Variants in CDCA2 observed in about 807,000 individuals in gnomAD.
CDCA2 encodes the protein cell division cycle associated 2, also known as cell division cycle-associated protein 2.
Under a neutral mutation model 67.0 loss-of-function variants are expected in CDCA2, and 44 were observed. The ratio of observed to expected loss-of-function variants is 0.66; its 90% confidence interval spans 0.52 to 0.84. The LOEUF (loss-of-function observed/expected upper bound fraction) is 0.84. Ranked by LOEUF, CDCA2 falls within the 40% of genes least tolerant of loss-of-function variation. The pLI is 0.00. For synonymous variants in CDCA2, 447 were observed against 418.7 expected (o/e 1.07, Z -0.82); for missense variants, 1,253 against 1,203.2 (o/e 1.04, Z -0.61).
intron 10 of CDCA2, 38 bp downstream of exon 10, chr8:25,484,248 A>G (rs1466106202): frequency 5.0e-6 from 8 of 1,604,474 alleles, no homozygotes; most frequent in Non-Finnish European, 6.8e-6. Context: ...TGCCATATGT[A>G]TTTTCATCAG....
intron 3 of CDCA2, among the ~76,000 whole-genome samples, 164 bp downstream of exon 3, chr8:25,460,718 A>C (rs1802649656): frequency 1.3e-5 from 2 of 152,210 alleles, no homozygotes; most frequent in Admixed American, 1.3e-4. Flanking sequence ...TGCACAGTTC[A>C]TTTAGCATAG....
intron 14 of CDCA2, among the ~76,000 whole-genome samples, chr8:25,504,560 A>G (rs1489201066): frequency 2.0e-5 from 3 of 152,188 alleles, no homozygotes; most frequent in African/African-American, 7.2e-5. Flanking sequence ...AAGATTAATA[A>G]TAGACTTGAG....
In CDCA2 at chr8:25,507,781, A is replaced by G. The variant is rs749990273; in HGVS notation, c.*43A>G. 5 of 1,561,772 alleles carry G rather than the reference A, an allele frequency of 3.2e-6. No homozygotes were observed. The highest frequency in any genetic ancestry group is 4.3e-6 in the Non-Finnish European group (5 of 1,159,578). On this transcript the variant is annotated 3_prime_UTR_variant, in exon 15 of 15. Coordinates refer to ENST00000330560, the MANE Select transcript of CDCA2 (RefSeq NM_152562.4). ...GTCTGTGGCAAGAGGGAAAGTAACC[A>G]TCTATGCTGAAATGATCTGTCTAGT... is the stretch of plus-strand genomic sequence containing the variant.
intron 8 of CDCA2, among the ~76,000 whole-genome samples, chr8:25,482,705 C>CA (rs1803619158): frequency 6.6e-6 from 1 of 151,918 alleles, no homozygotes; most frequent in Admixed American, 6.6e-5. Flanking sequence ...CTCGTCTCTA[C>CA]AAAAAAATAC....
chr8:25,502,158 G>A (rs1216777508), intron 13 of CDCA2, among the ~76,000 whole-genome samples: 1 of 152,104 alleles, frequency 6.6e-6, no homozygotes, highest in African/African-American at 2.4e-5. Flanking sequence ...GCCTCCCAAA[G>A]TGCTGGGATT....
Position 25,507,602 on chromosome 8 carries a change from G to T in CDCA2, c.2936G>T (p.Cys979Phe). The T allele has an allele frequency of 6.2e-7, 1 of 1,614,124 alleles. No individual in the cohort carries two copies. The highest frequency in any genetic ancestry group is 8.5e-7 in the Non-Finnish European group (1 of 1,180,014). ...DEPGKRRKSF[C>F]ISTLANTKAT... ...CCTGGTAAGAGGAGGAAGAGCTTTT[G>T]TATATCTACACTTGCAAATACTAAA... The change falls in exon 15 of 15, where the codon TGT becomes TTT. Residue 979 changes from cysteine to phenylalanine, a missense_variant. Cys to Phe is a radical substitution (Grantham distance 205). Transcript: ENST00000330560.
chr8:25,504,027 A>T (rs1334132776), intron 14 of CDCA2, among the ~76,000 whole-genome samples: 2 of 152,134 alleles, frequency 1.3e-5, no homozygotes, highest in Admixed American at 6.5e-5. Flanking sequence ...TCTCTTAAAA[A>T]AAAAAGGAAC....
rs1803003094 is a variant in CDCA2 at position 25,468,285 on chromosome 8, A to G, written c.607A>G (p.Arg203Gly). ...FPAVLSSKRR[R>G]ISYQRDSDEN... is the part of the protein sequence containing the mutation. Reference sequence around the variant, plus strand: ...TGCAGTGTTGTCCTCCAAACGTCGGAGAATATCCTATCAGAGAGACTCTGA... The same window carrying G: ...TGCAGTGTTGTCCTCCAAACGTCGGGGAATATCCTATCAGAGAGACTCTGA... Residue 203 changes from arginine to glycine, a missense_variant, in exon 6 of 15, where the codon AGA becomes GGA. By Grantham distance (125) the Arg-to-Gly change is moderately radical. Coordinates refer to ENST00000330560, the MANE Select transcript of CDCA2 (RefSeq NM_152562.4). The G allele has an allele frequency of 1.9e-6, 3 of 1,613,914 alleles. No homozygotes were observed. Among genetic ancestry groups the G allele is most frequent in the East Asian group, 2.2e-5 (1 of 44,886 alleles).
At chr8:25,489,975 G>A (rs1185902060) in intron 13 of CDCA2, among the ~76,000 whole-genome samples, 1 of 152,052 alleles carries the variant, frequency 6.6e-6, no homozygotes, top group African/African-American at 2.4e-5. Context: ...AAAACATTCC[G>A]TAAACTTCCT....
intron 6 of CDCA2, 31 bp from the exon 7 acceptor site, chr8:25,469,865 A>C (rs1586473798): frequency 1.4e-6 from 2 of 1,428,686 alleles, no homozygotes; most frequent in East Asian, 4.6e-5. Flanking sequence ...CTAATTAATA[A>C]AATGTAATAC....
chr8:25,487,436 A>T (rs1803822681), intron 12 of CDCA2, 102 bp downstream of exon 12: 1 of 778,356 alleles, frequency 1.3e-6, no homozygotes, highest in Non-Finnish European at 2.1e-6. Flanking sequence ...TAGTTTAATC[A>T]GTGTCATTAA....
intron 13 of CDCA2, among the ~76,000 whole-genome samples, chr8:25,496,602 A>G (rs1490774658): frequency 6.6e-6 from 1 of 152,190 alleles, no homozygotes; most frequent in South Asian, 2.1e-4. Context: ...CTCATTAGCA[A>G]GAACACACCA....
At chr8:25,501,913 T>G (rs1804492912) in intron 13 of CDCA2, among the ~76,000 whole-genome samples, 1 of 152,184 alleles carries the variant, frequency 6.6e-6, no homozygotes, top group Non-Finnish European at 1.5e-5. Context: ...TTTGTTTTGT[T>G]TTTTTGAGAC....
chr8:25,483,950 T>G lies in CDCA2; in HGVS notation c.1121-16T>G. On this transcript the variant is annotated splice_polypyrimidine_tract_variant and intron_variant, in intron 9 of 14. Transcript: ENST00000330560. ...GCTTAATTTTTAAGTTACTCTCATT[T>G]ATTGTCTAATTATAGAAGATGAAGA... is the stretch of plus-strand genomic sequence containing the variant. 6.2e-7 allele frequency: 1 copy of G among 1,602,164 alleles called. No individual in the cohort carries two copies. Among genetic ancestry groups the G allele is most frequent in the Non-Finnish European group, 8.5e-7 (1 of 1,170,904 alleles).
rs1376751067 is a variant in CDCA2, at chr8:25,466,318, A to C, written c.531A>C (p.Thr177=). 6.3e-6 allele frequency: 10 copies of C among 1,596,482 alleles called. No individual in the cohort carries two copies. The highest frequency in any genetic ancestry group is 3.3e-4 in the Middle Eastern group (2 of 6,030). ...FSEAGKESEM[T]DLTRKEGLSA... is the part of the protein sequence containing the mutation. Reference sequence around the variant, plus strand: ...AGGCAGGAAAAGAGTCCGAGATGACAGACTTGAGTGAGTAGAAATAATTCG... The same window carrying C: ...AGGCAGGAAAAGAGTCCGAGATGACCGACTTGAGTGAGTAGAAATAATTCG... The change falls in exon 5 of 15, where the codon ACA becomes ACC. Residue 177 remains threonine, a synonymous_variant. Coordinates refer to ENST00000330560, the MANE Select transcript of CDCA2 (RefSeq NM_152562.4).
At chr8:25,460,156 A>T in intron 1 of CDCA2, 84 bp from the exon 2 acceptor site, 1 of 1,333,592 alleles carries the variant, frequency 7.5e-7, no homozygotes, top group Non-Finnish European at 1.1e-6. Context: ...CTGTATTACA[A>T]TTCAGTCCTG....
At chr8:25,462,276 C>A in intron 4 of CDCA2, 68 bp downstream of exon 4, 1 of 1,469,088 alleles carries the variant, frequency 6.8e-7, no homozygotes. Context: ...TTTACACCTT[C>A]TAGTGCATCT....
chr8:25,475,112 C>T (rs974293354), intron 7 of CDCA2, among the ~76,000 whole-genome samples: 2 of 152,170 alleles, frequency 1.3e-5, no homozygotes, highest in African/African-American at 2.4e-5. Flanking sequence ...GTTGCTCCCC[C>T]TAAGCCAAAA....
chr8:25,481,717 A>G (rs2117512357), intron 8 of CDCA2, among the ~76,000 whole-genome samples: 1 of 152,280 alleles, frequency 6.6e-6, no homozygotes, highest in Non-Finnish European at 1.5e-5. Flanking sequence ...AAACATTTAC[A>G]ACTAATGATC....
Sources: allele counts gnomAD v4.1 joint callset (sites outside exome capture counted in the v4.1 genomes callset), GRCh38; gene constraint gnomAD v4.1.1; transcripts MANE v1.5; gene names NCBI Gene and HGNC (gene_info 2026-07-23, HGNC 2026-07-21).